Variants in GPR39 observed in about 807,000 individuals in gnomAD.
GPR39 encodes zinc sensing receptor.
GPR39 carries 23 observed loss-of-function variants against 18.4 expected under a neutral mutation model. The observed-to-expected ratio is 1.25, with a 90% CI of 0.90 to 1.77. The LOEUF (loss-of-function observed/expected upper bound fraction) is 1.77, where lower values mean the gene tolerates loss of function less well. Among genes scored for constraint, GPR39 ranks in the 40% most tolerant of loss-of-function variants. The pLI is 0.00. For synonymous variants in GPR39, 280 were observed against 257.9 expected, an observed-to-expected ratio of 1.09 and a Z score of -0.82; for missense variants, 647 against 602.4, an observed-to-expected ratio of 1.07 and a Z score of -0.78.
intron 1 of GPR39, among the ~76,000 whole-genome samples, chr2:132,510,115 T>C (rs769721858): frequency 2.0e-5 from 3 of 152,190 alleles, no homozygotes; most frequent in Non-Finnish European, 4.4e-5. Context: ...AGATGGTTGG[T>C]CATAACATTT....
At chr2:132,449,539 G>C (rs1179657246) in intron 1 of GPR39, among the ~76,000 whole-genome samples, 2 of 152,160 alleles carry the variant, frequency 1.3e-5, no homozygotes, top group African/African-American at 4.8e-5. Flanking sequence ...GAGCCACCGT[G>C]CCTGGCCTAG....
At chr2:132,570,803 T>C (rs1488833451) in intron 1 of GPR39, among the ~76,000 whole-genome samples, 1 of 152,094 alleles carries the variant, frequency 6.6e-6, no homozygotes, top group Non-Finnish European at 1.5e-5. Flanking sequence ...GGCAGCAGCC[T>C]AGAGGAATGG....
intron 1 of GPR39, among the ~76,000 whole-genome samples, chr2:132,453,892 T>C (rs1323590132): frequency 1.3e-5 from 2 of 152,210 alleles, no homozygotes; most frequent in Non-Finnish European, 2.9e-5. Flanking sequence ...AGCCTCGTAG[T>C]ATAGTTTAAA....
At chr2:132,530,099 C>T (rs1414993903) in intron 1 of GPR39, among the ~76,000 whole-genome samples, 1 of 151,438 alleles carries the variant, frequency 6.6e-6, no homozygotes, top group Non-Finnish European at 1.5e-5. Context: ...AAGTTAAAAA[C>T]CTTAAAAAAA....
chr2:132,463,069 C>T (rs962337738), intron 1 of GPR39, among the ~76,000 whole-genome samples: 1 of 152,116 alleles, frequency 6.6e-6, no homozygotes, highest in African/African-American at 2.4e-5. Flanking sequence ...TATTTAAGAT[C>T]CTCTGTCGTG....
chr2:132,583,435 ACT>A (rs1286130926), intron 1 of GPR39, among the ~76,000 whole-genome samples: 1 of 150,770 alleles, frequency 6.6e-6, no homozygotes, highest in Non-Finnish European at 1.5e-5. Flanking sequence ...CTTAAAATAG[ACT>A]CTTGTAAGAA....
chr2:132,445,863 G>C (rs1573605857), intron 1 of GPR39, among the ~76,000 whole-genome samples: 2 of 152,290 alleles, frequency 1.3e-5, no homozygotes. Flanking sequence ...ATGAATAAGA[G>C]GCGAAGGTCA....
intron 1 of GPR39, among the ~76,000 whole-genome samples, chr2:132,506,881 T>TC (rs1679144513): frequency 6.7e-6 from 1 of 148,916 alleles, no homozygotes; most frequent in African/African-American, 2.5e-5. Flanking sequence ...TTTTTTTTTT[T>TC]CTAGCAGGAG....
intron 1 of GPR39, among the ~76,000 whole-genome samples, chr2:132,423,210 C>A (rs188291527): frequency 6.6e-6 from 1 of 152,024 alleles, no homozygotes; most frequent in East Asian, 1.9e-4. Context: ...GGACTGGAGA[C>A]ATGATTGGTC....
At chr2:132,489,110 A>C (rs1418828881) in intron 1 of GPR39, 1 of 229,642 alleles carries the variant, frequency 4.4e-6, no homozygotes, top group Non-Finnish European at 9.2e-6. Context: ...CGAACTCCAC[A>C]GTCATTCCAT....
chr2:132,589,219 C>T (rs886085634), intron 1 of GPR39, among the ~76,000 whole-genome samples: 2 of 152,156 alleles, frequency 1.3e-5, no homozygotes, highest in Non-Finnish European at 2.9e-5. Context: ...ATGTCCCCCC[C>T]TCCCCATTGC....
At chr2:132,457,801 C>T (rs1680757468) in intron 1 of GPR39, among the ~76,000 whole-genome samples, 1 of 152,220 alleles carries the variant, frequency 6.6e-6, no homozygotes. Context: ...GTTTGAGCTT[C>T]CCAGCCACTT....
At chr2:132,504,423 GCC>G (rs1350978596) in intron 1 of GPR39, among the ~76,000 whole-genome samples, 1 of 152,138 alleles carries the variant, frequency 6.6e-6, no homozygotes, top group Non-Finnish European at 1.5e-5. Flanking sequence ...AGCCTCTTGG[GCC>G]CCAGTTCTAG....
intron 1 of GPR39, among the ~76,000 whole-genome samples, chr2:132,569,574 T>C (rs1417214808): frequency 6.7e-6 from 1 of 148,810 alleles, no homozygotes; most frequent in Non-Finnish European, 1.5e-5. Context: ...AGGGCTGAGT[T>C]CTGGAGTCCA....
At chr2:132,622,637 A>G (rs2104861220) in intron 1 of GPR39, among the ~76,000 whole-genome samples, 1 of 152,370 alleles carries the variant, frequency 6.6e-6, no homozygotes, top group African/African-American at 2.4e-5. Context: ...GCAGAAGCTT[A>G]CAAGTCATAG....
At chr2:132,540,078 C>G (rs1189097601) in intron 1 of GPR39, among the ~76,000 whole-genome samples, 3 of 152,152 alleles carry the variant, frequency 2.0e-5, no homozygotes, top group Admixed American at 1.3e-4. Flanking sequence ...TCCTACACCC[C>G]CTAACTCCTA....
In GPR39 at chr2:132,515,684, A is replaced by T. The variant is rs1389202674; in HGVS notation, c.856+97786A>T. Among the ~76,000 whole-genome samples, 3 of 152,098 alleles carry T rather than the reference A, an allele frequency of 2.0e-5. No individual in the cohort carries two copies. The East Asian group carries it at 5.8e-4, about 29-fold the overall frequency. On this transcript the variant is annotated intron_variant, in intron 1 of 1. Transcript: ENST00000329321. ...TCACCCTTTCTTCCTTAAAGCAACT[A>T]ATAAAACCTAAGAATGTCACTCTCT... is the stretch of plus-strand genomic sequence containing the variant.
chr2:132,612,218 A>AGGAT (rs1681250298), intron 1 of GPR39, among the ~76,000 whole-genome samples: 2 of 151,972 alleles, frequency 1.3e-5, no homozygotes, highest in African/African-American at 4.8e-5. Context: ...TCAAATTGAA[A>AGGAT]TTTGCTCTCC....
chr2:132,551,807 A>T (rs942570407), intron 1 of GPR39, among the ~76,000 whole-genome samples: 1 of 68,310 alleles, frequency 1.5e-5, no homozygotes, highest in Non-Finnish European at 3.0e-5. Flanking sequence ...GTTAAATCTC[A>T]TAAAAGACAT....
Sources: allele counts gnomAD v4.1 joint callset (sites outside exome capture counted in the v4.1 genomes callset), GRCh38; gene constraint gnomAD v4.1.1; transcripts MANE v1.5; gene names NCBI Gene and HGNC (gene_info 2026-07-23, HGNC 2026-07-21).